Variants in LRPPRC observed in about 807,000 individuals in gnomAD.
The protein encoded by LRPPRC is leucine rich pentatricopeptide repeat containing, also known as leucine-rich PPR motif-containing protein, mitochondrial.
In LRPPRC, 120 loss-of-function variants were observed where a neutral mutation model predicts 180.3. That is an observed-to-expected ratio of 0.67 (90% CI 0.57 to 0.77). The LOEUF is 0.77. Among genes scored for constraint, LRPPRC ranks in the 30% least tolerant of loss-of-function variants. LRPPRC has a pLI of 0.00. For missense variants in LRPPRC, 2,012 were observed against 1,657.2 expected (o/e 1.21, Z -3.72); for synonymous variants, 723 against 600.0 (o/e 1.21, Z -3.00).
intron 13 of LRPPRC, 64 bp downstream of exon 13, chr2:43,960,477 G>A (rs1673300380): frequency 3.4e-6 from 3 of 893,708 alleles, no homozygotes; most frequent in South Asian, 2.6e-5. Flanking sequence ...GAACCACCCT[G>A]CATGCCCTCA....
chr2:43,973,294 C>T (rs761089316), intron 11 of LRPPRC, among the ~76,000 whole-genome samples: 3 of 151,968 alleles, frequency 2.0e-5, no homozygotes, highest in Non-Finnish European at 4.4e-5. Flanking sequence ...AATCTGATTT[C>T]AAACACTATA....
At chr2:43,944,967 G>T (rs749457760) in intron 22 of LRPPRC, among the ~76,000 whole-genome samples, 1 of 152,014 alleles carries the variant, frequency 6.6e-6, no homozygotes, top group African/African-American at 2.4e-5. Context: ...TAGGTTTTAC[G>T]TTTATAGGTT....
chr2:43,975,369 T>C (rs558660769), intron 6 of LRPPRC, 152 bp from the exon 7 acceptor site: 32 of 617,094 alleles, frequency 5.2e-5, no homozygotes, highest in African/African-American at 4.6e-4. Flanking sequence ...AAACTGGATA[T>C]ATGTTTCTGA....
chr2:43,935,074 C>T (rs567787734), intron 23 of LRPPRC, among the ~76,000 whole-genome samples, 196 bp from the exon 24 acceptor site: 17 of 152,214 alleles, frequency 1.1e-4, no homozygotes, highest in African/African-American at 4.1e-4. Flanking sequence ...AGAAAACATA[C>T]ATCATCAGCA....
chr2:43,933,627 C>T (rs1055408787), intron 25 of LRPPRC, among the ~76,000 whole-genome samples: 1 of 151,968 alleles, frequency 6.6e-6, no homozygotes, highest in African/African-American at 2.4e-5. Context: ...TTTAGTAAAG[C>T]CTAGATAAAA....
chr2:43,893,625 A>G (rs1247313590), intron 36 of LRPPRC, among the ~76,000 whole-genome samples: 2 of 152,212 alleles, frequency 1.3e-5, no homozygotes, highest in African/African-American at 4.8e-5. Context: ...TGGTGTAAAC[A>G]TAACTTTTAT....
intron 25 of LRPPRC, among the ~76,000 whole-genome samples, chr2:43,926,263 C>T (rs953039298): frequency 4.6e-5 from 7 of 152,110 alleles, no homozygotes; most frequent in Non-Finnish European, 1.0e-4. Flanking sequence ...CTGCACTGCA[C>T]GTCAAAGTTC....
chr2:43,966,970 G>C (rs1024473517), intron 11 of LRPPRC, among the ~76,000 whole-genome samples: 5 of 152,080 alleles, frequency 3.3e-5, no homozygotes, highest in African/African-American at 9.7e-5. Flanking sequence ...AGAACTGCTT[G>C]AACCCAGAGG....
intron 35 of LRPPRC, chr2:43,896,412 T>A: frequency 2.2e-6 from 1 of 452,834 alleles, no homozygotes; most frequent in Non-Finnish European, 4.1e-6. Flanking sequence ...GGGCTCTCAA[T>A]GCATACCTGT....
Position 43,968,796 on chromosome 2 carries a change from T to C in LRPPRC, c.1369+4811A>G, listed in dbSNP as rs564803099. On this transcript the variant is annotated intron_variant, in intron 11 of 37. Transcript: ENST00000260665. The stretch of plus-strand genomic sequence containing the variant: ...ATGAGTAAGTTCTAGGGTTCTAATG[T>C]ACAGCATGGTGGCTACTATTAGTAA... Among the ~76,000 whole-genome samples the C allele has an allele frequency of 1.2e-4, 19 of 152,334 alleles. No homozygotes were observed. The South Asian group carries it at 3.9e-3, about 32-fold the overall frequency.
chr2:43,891,819 C>T (rs6730439), intron 36 of LRPPRC, among the ~76,000 whole-genome samples: 2,630 of 152,222 alleles, frequency 0.017, 74 homozygotes, highest in African/African-American at 0.06. Flanking sequence ...TGTCAAAAGC[C>T]GAGATACGCT....
intron 1 of LRPPRC, among the ~76,000 whole-genome samples, chr2:43,986,436 C>T (rs545204883): frequency 1.6e-4 from 24 of 152,252 alleles, no homozygotes; most frequent in African/African-American, 5.8e-4. Flanking sequence ...AGGCCATACA[C>T]GTTCTTAAAA....
At chr2:43,900,054 A>C (rs1231234173) in intron 32 of LRPPRC, among the ~76,000 whole-genome samples, 3 of 152,228 alleles carry the variant, frequency 2.0e-5, no homozygotes, top group Non-Finnish European at 4.4e-5. Context: ...AATAGTATTT[A>C]ACATCTCAGG....
At chr2:43,976,725 A>AAC (rs1553411648) in intron 5 of LRPPRC, among the ~76,000 whole-genome samples, 27 of 148,880 alleles carry the variant, frequency 1.8e-4, no homozygotes, top group African/African-American at 3.7e-4. Context: ...AAAAAAAAAA[A>AAC]AAGCAAAGTC....
At chr2:43,976,410 C>G (rs1328808858) in intron 5 of LRPPRC, among the ~76,000 whole-genome samples, 181 bp from the exon 6 acceptor site, 1 of 152,104 alleles carries the variant, frequency 6.6e-6, no homozygotes, top group Non-Finnish European at 1.5e-5. Flanking sequence ...ACCCCACTCT[C>G]TAATGTATCA....
chr2:43,935,976 G>C (rs187121453), intron 23 of LRPPRC, among the ~76,000 whole-genome samples: 7 of 152,218 alleles, frequency 4.6e-5, no homozygotes, highest in African/African-American at 1.2e-4. Context: ...CCAGCTACTC[G>C]GGGGGCTGAG....
chr2:43,917,432 C>T (rs544156912), intron 29 of LRPPRC, among the ~76,000 whole-genome samples: 2 of 152,134 alleles, frequency 1.3e-5, no homozygotes, highest in Admixed American at 1.3e-4. Context: ...TCATGTGGAT[C>T]TCAAAATTTC....
At chr2:43,941,757 TGAAA>T (rs1661837273) in intron 23 of LRPPRC, among the ~76,000 whole-genome samples, 1 of 149,988 alleles carries the variant, frequency 6.7e-6, no homozygotes, top group Admixed American at 6.7e-5. Context: ...CTCATGACTC[TGAAA>T]GAGTCAATAG....
At chr2:43,893,912 C>G (rs1171949312) in intron 36 of LRPPRC, among the ~76,000 whole-genome samples, 1 of 152,068 alleles carries the variant, frequency 6.6e-6, no homozygotes. Flanking sequence ...CTCCAGTGAG[C>G]AAATCAGTGG....
Sources: gnomAD v4.1 joint callset for allele counts (sites outside exome capture counted in the v4.1 genomes callset) on GRCh38, gnomAD v4.1.1 for gene constraint, MANE v1.5 for transcripts, NCBI Gene and HGNC (gene_info 2026-07-23, HGNC 2026-07-21) for gene names.